The following PLEKHA8 variants were observed in gnomAD, a reference collection of about 807,000 sequenced individuals.
PLEKHA8 encodes pleckstrin homology domain containing A8.
A neutral mutation model predicts 68.2 loss-of-function variants in PLEKHA8; 36 were observed. That is an observed-to-expected ratio of 0.53 (90% CI 0.40 to 0.70). The LOEUF is 0.70. Ranked by LOEUF, PLEKHA8 falls within the 30% of genes least tolerant of loss-of-function variation. PLEKHA8 has a pLI of 0.00. For synonymous variants in PLEKHA8, 211 were observed against 216.1 expected, an observed-to-expected ratio of 0.98 and a Z score of 0.20; for missense variants, 505 against 615.4, an observed-to-expected ratio of 0.82 and a Z score of 1.90.
intron 13 of PLEKHA8, among the ~76,000 whole-genome samples, chr7:30,077,171 T>G (rs1794657624): frequency 6.6e-6 from 1 of 152,302 alleles, no homozygotes; most frequent in South Asian, 2.1e-4. Flanking sequence ...GTCCTCCAGC[T>G]TCTACTGTTA....
At chr7:30,116,085 C>T (rs185138820) in intron 13 of PLEKHA8, 2 of 150,146 alleles carry the variant, frequency 1.3e-5, no homozygotes, top group African/African-American at 2.5e-5. Context: ...TATACATACG[C>T]ATACATACGT....
chr7:30,047,978 T>A, intron 4 of PLEKHA8, 22 bp downstream of exon 4: 1 of 1,241,626 alleles, frequency 8.1e-7, no homozygotes, highest in Non-Finnish European at 1.0e-6. Flanking sequence ...TTTATTAATA[T>A]TATTAATATA....
At chr7:30,076,234 T>C (rs949217776) in intron 13 of PLEKHA8, among the ~76,000 whole-genome samples, 2 of 152,130 alleles carry the variant, frequency 1.3e-5, no homozygotes, top group African/African-American at 4.8e-5. Context: ...AAATAGTCTT[T>C]GAAAAAAACA....
intron 4 of PLEKHA8, among the ~76,000 whole-genome samples, chr7:30,048,335 T>C (rs1206818250): frequency 6.6e-6 from 1 of 152,208 alleles, no homozygotes; most frequent in Non-Finnish European, 1.5e-5. Context: ...TTAATTACAG[T>C]CTTGCAGAGC....
chr7:30,045,522 CTT>C, intron 2 of PLEKHA8, among the ~76,000 whole-genome samples: 1 of 152,230 alleles, frequency 6.6e-6, no homozygotes, highest in African/African-American at 2.4e-5. Context: ...GCATCAAACA[CTT>C]TTGTGTTTAA....
At chr7:30,113,116 G>T in intron 13 of PLEKHA8, among the ~76,000 whole-genome samples, 1 of 152,086 alleles carries the variant, frequency 6.6e-6, no homozygotes, top group Non-Finnish European at 1.5e-5. Context: ...AGTAGGAGTG[G>T]TGTTTTCTAC....
intron 13 of PLEKHA8, among the ~76,000 whole-genome samples, chr7:30,097,252 C>A (rs1795656176): frequency 1.3e-5 from 2 of 152,082 alleles, no homozygotes; most frequent in Admixed American, 1.3e-4. Flanking sequence ...CTCTGGCTGC[C>A]CTTAACATTT....
intron 13 of PLEKHA8, among the ~76,000 whole-genome samples, chr7:30,075,852 A>G (rs10262157): frequency 2.6e-4 from 40 of 152,154 alleles, no homozygotes; most frequent in African/African-American, 8.2e-4. Flanking sequence ...TTTACCCTGT[A>G]CTTTAATGGA....
At chr7:30,129,266 G>A (rs757745149) in exon 14 of PLEKHA8, 4 of 1,612,770 alleles carry the variant, frequency 2.5e-6, no homozygotes, top group South Asian at 2.2e-5. Flanking sequence ...CCTGGTGTAG[G>A]TGTAGGAATG....
rs1310157410 is a variant in PLEKHA8, at chr7:30,078,894, G to C, written c.*107G>C. The C allele has an allele frequency of 6.9e-7, 1 of 1,457,234 alleles. No individual in the cohort carries two copies. Among genetic ancestry groups the C allele is most frequent in the South Asian group, 1.5e-5 (1 of 68,304 alleles). 90.3% of individuals were successfully genotyped at this position (1,457,234 alleles called of 1,614,324 possible). A position where few individuals can be genotyped will look rare whatever the true frequency, so the allele number is the denominator to read the frequency against. On this transcript the variant is annotated 3_prime_UTR_variant, in exon 14 of 14. Transcript: ENST00000449726. Reference sequence around the variant, plus strand: ...TCAACCCTCTCCAACCCCTTCACCTGGGGGGATGGACAGGAGGTGGCAAAA... The same window carrying C: ...TCAACCCTCTCCAACCCCTTCACCTCGGGGGATGGACAGGAGGTGGCAAAA...
At chr7:30,062,101 A>C in intron 11 of PLEKHA8, 74 bp downstream of exon 11, 2 of 1,507,832 alleles carry the variant, frequency 1.3e-6, no homozygotes, top group East Asian at 2.4e-5. Context: ...ATTGTTACAC[A>C]AAGGAGACTA....
rs1162980991 is a variant in PLEKHA8 at position 30,080,193 on chromosome 7, TC to T, written c.*1407del. ...ACTTAAGAAAACAGTTTCTTAAACTTCTTAAAACTTAAGAAACATTGTTTCA... is the reference window on the plus strand; with the variant it reads ...ACTTAAGAAAACAGTTTCTTAAACTTTTAAAACTTAAGAAACATTGTTTCA... On this transcript the variant is annotated 3_prime_UTR_variant, in exon 14 of 14. Transcript: ENST00000449726. 17 of 985,244 alleles carry T rather than the reference TC, an allele frequency of 1.7e-5. No individual in the cohort carries two copies. Among genetic ancestry groups the T allele is most frequent in the Non-Finnish European group, 2.0e-5 (17 of 829,876 alleles). The allele number at this position is 985,244 out of a possible 1,614,324, so 61.0% of individuals were successfully genotyped here. A position where few individuals can be genotyped will look rare whatever the true frequency, so the allele number is the denominator to read the frequency against.
At chr7:30,120,282 C>T (rs1270749267) in intron 13 of PLEKHA8, among the ~76,000 whole-genome samples, 2 of 152,030 alleles carry the variant, frequency 1.3e-5, no homozygotes, top group Admixed American at 6.6e-5. Context: ...ATGGGGCAGC[C>T]TCTAGAATCA....
At chr7:30,074,272 G>GTA (rs1357545428) in intron 13 of PLEKHA8, 140 bp downstream of exon 13, 21 of 629,690 alleles carry the variant, frequency 3.3e-5, no homozygotes, top group Non-Finnish European at 5.0e-5. Flanking sequence ...GTGTGTGTGT[G>GTA]TATGTGTGGT....
At chr7:30,097,570 A>G (rs948775268) in intron 13 of PLEKHA8, among the ~76,000 whole-genome samples, 1 of 151,948 alleles carries the variant, frequency 6.6e-6, no homozygotes, top group African/African-American at 2.4e-5. Context: ...GCTTCATTTC[A>G]TTCATTTCGT....
At chr7:30,074,658 A>G (rs140203539) in intron 13 of PLEKHA8, among the ~76,000 whole-genome samples, 1 of 152,014 alleles carries the variant, frequency 6.6e-6, no homozygotes, top group African/African-American at 2.4e-5. Context: ...CATTCCTTTT[A>G]ATTCTTAGGT....
chr7:30,034,326 G>C (rs968977150), intron 1 of PLEKHA8, among the ~76,000 whole-genome samples: 1 of 151,830 alleles, frequency 6.6e-6, no homozygotes, highest in African/African-American at 2.4e-5. Flanking sequence ...CTTTATTCTG[G>C]ATATAAGTTC....
intron 6 of PLEKHA8, among the ~76,000 whole-genome samples, chr7:30,052,109 C>G (rs1162773407): frequency 1.7e-4 from 26 of 152,280 alleles, no homozygotes; most frequent in Non-Finnish European, 1.2e-4. Context: ...CCGGAGAAAA[C>G]TGATGGAAAA....
At chr7:30,031,672 A>C (rs1790677662) in intron 1 of PLEKHA8, among the ~76,000 whole-genome samples, 1 of 152,106 alleles carries the variant, frequency 6.6e-6, no homozygotes, top group Admixed American at 6.5e-5. Flanking sequence ...AGAAATGATG[A>C]GATTGTTTAA....
Sources: gnomAD v4.1 joint callset for allele counts (sites outside exome capture counted in the v4.1 genomes callset) on GRCh38, gnomAD v4.1.1 for gene constraint, MANE v1.5 for transcripts, NCBI Gene and HGNC (gene_info 2026-07-23, HGNC 2026-07-21) for gene names.